MCTP2: variants seen among roughly 807,000 people sequenced by gnomAD.
MCTP2 encodes multiple C2 and transmembrane domain containing 2.
In MCTP2, 132 loss-of-function variants were observed where a neutral mutation model predicts 111.6. The observed-to-expected ratio is 1.18, with a 90% confidence interval of 1.03 to 1.37. The LOEUF is 1.37. Ranked by LOEUF, MCTP2 falls within the 40% of genes most tolerant of loss-of-function variation. The pLI, the probability that MCTP2 is intolerant of heterozygous loss-of-function variation, is 0.00. For missense variants in MCTP2, 1,183 were observed against 1,067.9 expected (o/e 1.11, Z -1.50); for synonymous variants, 395 against 387.7 (o/e 1.02, Z -0.22).
At chr15:94,271,092 C>T (rs1233555344) in intron 1 of MCTP2, among the ~76,000 whole-genome samples, 2 of 152,154 alleles carry the variant, frequency 1.3e-5, no homozygotes, top group African/African-American at 4.8e-5. Flanking sequence ...TCAGTTACAA[C>T]AGTACTTCAT....
Position 94,416,397 on chromosome 15 carries a change from C to T in MCTP2, c.2085+14378C>T, listed in dbSNP as rs571761819. Among the ~76,000 whole-genome samples the T allele has an allele frequency of 8.5e-5, 13 of 152,118 alleles. No individual in the cohort carries two copies. The South Asian group carries it at 1.7e-3, about 19-fold the overall frequency. ...TGTCTTGAAGACTCTGAGCAGATGA[C>T]GGGAACAATTGCTGGAGGGGGAAAA... On this transcript the variant is annotated intron_variant, in intron 17 of 22. Coordinates refer to ENST00000357742, the MANE Select transcript of MCTP2 (RefSeq NM_001385001.1).
intron 22 of MCTP2, among the ~76,000 whole-genome samples, chr15:94,478,434 A>G (rs138842781): frequency 1.3e-5 from 2 of 152,328 alleles, no homozygotes; most frequent in African/African-American, 4.8e-5. Flanking sequence ...CATATTTATC[A>G]CAGATGTTTT....
At chr15:94,456,973 G>C (rs1007457338) in intron 19 of MCTP2, among the ~76,000 whole-genome samples, 3 of 152,154 alleles carry the variant, frequency 2.0e-5, no homozygotes, top group Non-Finnish European at 2.9e-5. Context: ...CATGACTCCA[G>C]TTTAATGGAA....
In MCTP2 at chr15:94,402,037, T is replaced by C. The variant is rs752400102; in HGVS notation, c.2085+18T>C. 1.2e-6 allele frequency: 2 copies of C among 1,607,324 alleles called. No individual in the cohort carries two copies. The highest frequency in any genetic ancestry group is 1.7e-5 in the Admixed American group (1 of 58,482). On this transcript the variant is annotated intron_variant, in intron 17 of 22. Coordinates refer to ENST00000357742, the MANE Select transcript of MCTP2 (RefSeq NM_001385001.1). ...CATTCGCGGTAAGCTTCCTTTCTTATGTTCAAACTATTTGCTTCTTATTTG... is the reference window on the plus strand; with the variant it reads ...CATTCGCGGTAAGCTTCCTTTCTTACGTTCAAACTATTTGCTTCTTATTTG...
intron 2 of MCTP2, among the ~76,000 whole-genome samples, chr15:94,302,967 G>T (rs554000474): frequency 1.3e-5 from 2 of 151,634 alleles, no homozygotes; most frequent in East Asian, 3.9e-4. Context: ...GGAGGAGCAA[G>T]TCATGTCTTA....
At chr15:94,478,943 A>C in intron 22 of MCTP2, 23 bp from the exon 23 acceptor site, 1 of 1,612,896 alleles carries the variant, frequency 6.2e-7, no homozygotes, top group Non-Finnish European at 8.5e-7. Flanking sequence ...AACCGCCAGC[A>C]TCACGGCTAT....
intron 2 of MCTP2, among the ~76,000 whole-genome samples, chr15:94,306,946 C>T (rs993179504): frequency 2.0e-5 from 3 of 152,134 alleles, no homozygotes; most frequent in African/African-American, 7.2e-5. Flanking sequence ...GCGTCAGTTT[C>T]TCTACACTTC....
intron 20 of MCTP2, 67 bp from the exon 21 acceptor site, chr15:94,470,266 T>C (rs1013297694): frequency 3.5e-6 from 4 of 1,141,316 alleles, no homozygotes; most frequent in East Asian, 2.4e-5. Context: ...GAAATAAACA[T>C]GACAAGTTGA....
In MCTP2 at chr15:94,481,210, GTC is replaced by G. The variant is rs1291695267; in HGVS notation, c.*2182_*2183del. The G allele has an allele frequency of 6.6e-6, 1 of 151,682 alleles. No individual in the cohort carries two copies. Among genetic ancestry groups the G allele is most frequent in the African/African-American group, 2.4e-5 (1 of 41,232 alleles). The allele number at this position is 151,682 out of a possible 1,614,324, so 9.4% of individuals were successfully genotyped here. On this transcript the variant is annotated 3_prime_UTR_variant, in exon 23 of 23. Transcript: ENST00000357742. ...ACTTTATCTTCCCATTTCTAGCCCTGTCTCTCTATCTTACAGGCATCTACACC... is the reference window on the plus strand; with the variant it reads ...ACTTTATCTTCCCATTTCTAGCCCTGTCTCTATCTTACAGGCATCTACACC...
chr15:94,334,353 C>G (rs1567450920), intron 4 of MCTP2, among the ~76,000 whole-genome samples: 1 of 152,322 alleles, frequency 6.6e-6, no homozygotes, highest in East Asian at 1.9e-4. Context: ...TTTATTCATT[C>G]ATTCATCACA....
At chr15:94,419,824 C>A (rs1167551367) in intron 17 of MCTP2, among the ~76,000 whole-genome samples, 1 of 150,460 alleles carries the variant, frequency 6.6e-6, no homozygotes, top group African/African-American at 2.4e-5. Context: ...GGCACCATTT[C>A]TACAAAAAAG....
chr15:94,401,784 A>G (rs951423343), intron 16 of MCTP2, 116 bp from the exon 17 acceptor site: 3 of 670,044 alleles, frequency 4.5e-6, no homozygotes, highest in South Asian at 3.3e-5. Flanking sequence ...TATTATTATC[A>G]TATTTTAAAA....
intron 12 of MCTP2, among the ~76,000 whole-genome samples, chr15:94,377,064 G>A (rs2152445959): frequency 6.6e-6 from 1 of 152,264 alleles, no homozygotes; most frequent in South Asian, 2.1e-4. Context: ...AATTATAATA[G>A]TGACTACAAG....
intron 20 of MCTP2, among the ~76,000 whole-genome samples, chr15:94,459,124 AATT>A (rs1182182718): frequency 6.6e-6 from 1 of 152,156 alleles, no homozygotes; most frequent in Non-Finnish European, 1.5e-5. Context: ...TTTTCCTTTG[AATT>A]ATTAACTTAT....
intron 21 of MCTP2, among the ~76,000 whole-genome samples, chr15:94,472,014 C>T (rs1004174905): frequency 2.6e-5 from 4 of 152,180 alleles, no homozygotes; most frequent in African/African-American, 9.6e-5. Context: ...TTAAACATTG[C>T]TTCTTCTGGA....
At chr15:94,380,149 G>C (rs1469060043) in intron 12 of MCTP2, among the ~76,000 whole-genome samples, 5 of 152,046 alleles carry the variant, frequency 3.3e-5, no homozygotes, top group African/African-American at 1.2e-4. Context: ...CCGTAGCACT[G>C]TTCTTGGGGG....
chr15:94,435,112 G>A (rs774598286), intron 17 of MCTP2, among the ~76,000 whole-genome samples: 9 of 152,056 alleles, frequency 5.9e-5, no homozygotes, highest in Non-Finnish European at 1.0e-4. Context: ...TGATCCACCT[G>A]TGTTGGCCTC....
chr15:94,410,196 G>A (rs868790275), intron 17 of MCTP2, among the ~76,000 whole-genome samples: 3 of 152,006 alleles, frequency 2.0e-5, no homozygotes, highest in South Asian at 2.1e-4. Flanking sequence ...GAAAGGCCTC[G>A]CTAAAACACA....
intron 2 of MCTP2, among the ~76,000 whole-genome samples, chr15:94,311,349 C>G (rs16948908): frequency 1.3e-5 from 2 of 151,848 alleles, no homozygotes; most frequent in East Asian, 3.9e-4. Flanking sequence ...TTAAAAATCT[C>G]GTAATATTGG....
Sources: gnomAD v4.1 joint callset for allele counts (sites outside exome capture counted in the v4.1 genomes callset) on GRCh38, gnomAD v4.1.1 for gene constraint, MANE v1.5 for transcripts, NCBI Gene and HGNC (gene_info 2026-07-23, HGNC 2026-07-21) for gene names.